FARSB: variants seen among roughly 807,000 people sequenced by gnomAD.
FARSB encodes phenylalanine--tRNA ligase beta subunit.
FARSB carries 40 observed loss-of-function variants against 69.6 expected under a neutral mutation model. That is an observed-to-expected ratio of 0.57 (90% CI 0.45 to 0.75). The LOEUF (loss-of-function observed/expected upper bound fraction) is 0.75, where lower values mean the gene tolerates loss of function less well. Among genes scored for constraint, FARSB ranks in the 30% least tolerant of loss-of-function variants. The probability of loss-of-function intolerance (pLI) is 0.00; values close to 1 mark genes in which losing one functional copy is unlikely to be tolerated. For synonymous variants in FARSB, 235 were observed against 247.2 expected (o/e 0.95, Z 0.46); for missense variants, 632 against 722.9 (o/e 0.87, Z 1.44).
At chr2:222,591,292 G>A (rs192417260) in intron 16 of FARSB, among the ~76,000 whole-genome samples, 1 of 151,752 alleles carries the variant, frequency 6.6e-6, no homozygotes, top group Admixed American at 6.6e-5. Flanking sequence ...TCCTTTTTAA[G>A]TCGGTGTTAA....
At chr2:222,605,964 C>G (rs1275519289) in intron 15 of FARSB, among the ~76,000 whole-genome samples, 1 of 152,096 alleles carries the variant, frequency 6.6e-6, no homozygotes, top group African/African-American at 2.4e-5. Context: ...AAAATTTATA[C>G]TCTATTTCAT....
chr2:222,588,616 G>A (rs1284344600), intron 16 of FARSB, among the ~76,000 whole-genome samples: 4 of 152,126 alleles, frequency 2.6e-5, no homozygotes, highest in East Asian at 3.8e-4. Flanking sequence ...AAACCCCATC[G>A]TCTCAGCCCA....
Position 222,628,845 on chromosome 2 carries a change from T to C in FARSB, c.892A>G (p.Thr298Ala). Residue 298 changes from threonine (T) to alanine (A), a missense_variant, in exon 10 of 17, where the codon ACC (threonine) becomes GCC (alanine). Coordinates refer to ENST00000281828, the MANE Select transcript of FARSB (RefSeq NM_005687.5). ...EVVFPNGKSH[T>A]FPELAYRKEM... ...ATTTCTTAAGCACTTACTGGAAAGGTATGTGATTTTCCATTAGGAAAAACC... is the reference window on the plus strand; with the variant it reads ...ATTTCTTAAGCACTTACTGGAAAGGCATGTGATTTTCCATTAGGAAAAACC... The C allele has an allele frequency of 3.1e-6, 5 of 1,601,886 alleles. No individual in the cohort carries two copies. The highest frequency in any genetic ancestry group is 4.3e-6 in the Non-Finnish European group (5 of 1,169,692).
At chr2:222,640,714 C>A (rs564005772) in intron 4 of FARSB, 148 bp downstream of exon 4, 10 of 544,234 alleles carry the variant, frequency 1.8e-5, no homozygotes, top group East Asian at 3.4e-5. Flanking sequence ...CAAGACTGCA[C>A]CACTGCATTC....
At chr2:222,655,747 G>A (rs1692157914) in intron 1 of FARSB, among the ~76,000 whole-genome samples, 1 of 152,166 alleles carries the variant, frequency 6.6e-6, no homozygotes, top group Non-Finnish European at 1.5e-5. Flanking sequence ...CTTGGATGTC[G>A]GTGCCAGGCA....
intron 15 of FARSB, among the ~76,000 whole-genome samples, chr2:222,611,468 A>G: frequency 6.7e-6 from 1 of 150,372 alleles, no homozygotes; most frequent in African/African-American, 2.5e-5. Flanking sequence ...CGTGGGGGAG[A>G]CAGGGTCTTA....
intron 16 of FARSB, among the ~76,000 whole-genome samples, chr2:222,586,706 A>G (rs1038238681): frequency 1.3e-5 from 2 of 152,210 alleles, no homozygotes; most frequent in African/African-American, 4.8e-5. Flanking sequence ...AGGTTTTGCA[A>G]TCCTAGTCTC....
At chr2:222,635,126 G>T (rs1465004015) in intron 5 of FARSB, among the ~76,000 whole-genome samples, 1 of 152,080 alleles carries the variant, frequency 6.6e-6, no homozygotes, top group Non-Finnish European at 1.5e-5. Flanking sequence ...TATCCACAAA[G>T]GATTTAAGGT....
intron 16 of FARSB, among the ~76,000 whole-genome samples, chr2:222,582,012 G>C (rs1353408389): frequency 6.6e-6 from 1 of 152,172 alleles, no homozygotes; most frequent in East Asian, 1.9e-4. Flanking sequence ...AGGGGTGTTT[G>C]GCAGTGTCTA....
chr2:222,623,817 T>C, intron 12 of FARSB, 87 bp from the exon 13 acceptor site: 1 of 818,852 alleles, frequency 1.2e-6, no homozygotes, highest in Non-Finnish European at 2.0e-6. Context: ...CCATTAAAAC[T>C]TTTTTAAATA....
At chr2:222,653,873 C>T (rs1442713616) in intron 1 of FARSB, among the ~76,000 whole-genome samples, 3 of 152,074 alleles carry the variant, frequency 2.0e-5, no homozygotes, top group Non-Finnish European at 2.9e-5. Context: ...CTGCCCACCT[C>T]GTCCTCCCAA....
chr2:222,615,385 C>G (rs948211887), intron 14 of FARSB, among the ~76,000 whole-genome samples: 1 of 152,162 alleles, frequency 6.6e-6, no homozygotes, highest in African/African-American at 2.4e-5. Context: ...ATGCAACTCC[C>G]CTGGTCAAAA....
At position 222,623,744 on chromosome 2, in the gene FARSB, C is replaced by T. The variant is rs752357502; in HGVS notation, c.1171-14G>A. 14 of 1,537,838 alleles carry T rather than the reference C, an allele frequency of 9.1e-6. No individual in the cohort carries two copies. The highest frequency in any genetic ancestry group is 1.4e-5 in the African/African-American group (1 of 73,056). Reference sequence around the variant, plus strand: ...ATTAAGAGGAAACTGAAAAAAAAAGCATCCACTTGATTTCACCGCAATTAT... The same window carrying T: ...ATTAAGAGGAAACTGAAAAAAAAAGTATCCACTTGATTTCACCGCAATTAT... On this transcript the variant is annotated splice_polypyrimidine_tract_variant and intron_variant, in intron 12 of 16. Coordinates refer to ENST00000281828, the MANE Select transcript of FARSB (RefSeq NM_005687.5).
rs141614708 is a variant in FARSB at position 222,628,887 on chromosome 2, C to T, written c.850G>A (p.Val284Ile). 7 of 1,608,040 alleles carry T rather than the reference C, an allele frequency of 4.4e-6. No individual in the cohort carries two copies. In the African/African-American group the frequency reaches 6.7e-5, roughly 15 times the overall value. The change falls in exon 10 of 17, where the codon GTC (valine) becomes ATC (isoleucine). Residue 284 changes from valine (V) to isoleucine (I), a missense_variant and splice_region_variant. Physicochemically the swap from Val to Ile is conservative, Grantham distance 29. Transcript: ENST00000281828. ...FSEYCENQFT[V>I]EAAEVVFPNG... is the part of the protein sequence containing the mutation. ...GGAAAAACCACTTCAGCAGCTTCGACCCTGAAAACAAAAGCCAGAAATAAA... is the reference window on the plus strand; with the variant it reads ...GGAAAAACCACTTCAGCAGCTTCGATCCTGAAAACAAAAGCCAGAAATAAA...
intron 10 of FARSB, among the ~76,000 whole-genome samples, chr2:222,628,377 A>G (rs190754794): frequency 6.2e-4 from 95 of 152,356 alleles, no homozygotes; most frequent in African/African-American, 2.2e-3. Flanking sequence ...TGATCATTAC[A>G]TATTATATAC....
chr2:222,577,440 G>A (rs1185177395), intron 16 of FARSB, among the ~76,000 whole-genome samples: 9 of 152,138 alleles, frequency 5.9e-5, no homozygotes, highest in Non-Finnish European at 1.3e-4. Flanking sequence ...CAACACACCT[G>A]CAGACACCAT....
Position 222,569,900 on chromosome 2 carries a change from T to G in FARSB, c.*1971A>C, listed in dbSNP as rs1042533066. On this transcript the variant is annotated 3_prime_UTR_variant, in exon 17 of 17. Transcript: ENST00000281828. ...ACACTTGCATAAAAATCTTTGGCCA[T>G]ATGGGTAAACCTAGGAATAGAATGG... Among the ~76,000 whole-genome samples, 4 of 152,100 alleles carry G rather than the reference T, an allele frequency of 2.6e-5. No homozygotes were observed. The highest frequency in any genetic ancestry group is 9.7e-5 in the African/African-American group (4 of 41,430).
rs762160424 is a variant in FARSB, at chr2:222,624,754, T to A, written c.922A>T (p.Met308Leu). The change falls in exon 11 of 17, where the codon ATG becomes TTG. Residue 308 changes from methionine to leucine, a missense_variant. Coordinates refer to ENST00000281828, the MANE Select transcript of FARSB (RefSeq NM_005687.5). ...TTGTTAATTAGGTCAGCTCTCACCA[T>A]CTCCTTTCGGTAAGCTAATTCCTTA... ...TFPELAYRKE[M>L]VRADLINKKV... 1.2e-6 allele frequency: 2 copies of A among 1,603,876 alleles called. No individual in the cohort carries two copies. The highest frequency in any genetic ancestry group is 4.5e-5 in the East Asian group (2 of 44,744).
In FARSB at chr2:222,624,401, A is replaced by C. The variant is rs1184213863; in HGVS notation, c.1041T>G (p.Ile347Met). The C allele has an allele frequency of 2.5e-6, 4 of 1,612,138 alleles. No homozygotes were observed. The South Asian group carries it at 4.4e-5, about 18-fold the overall frequency. ...KSEVIGDGNQIEIEIPPTRAD... is the reference protein window; with the variant it reads ...KSEVIGDGNQMEIEIPPTRAD... ...CTCTGGTTGGAGGGATTTCAATCTCAATCTGATTCCCATCACCTATGACTT... is the reference window on the plus strand; with the variant it reads ...CTCTGGTTGGAGGGATTTCAATCTCCATCTGATTCCCATCACCTATGACTT... Residue 347 changes from isoleucine to methionine, a missense_variant, in exon 12 of 17, where the codon ATT becomes ATG. Coordinates refer to ENST00000281828, the MANE Select transcript of FARSB (RefSeq NM_005687.5).
Sources: gnomAD v4.1 joint callset for allele counts (sites outside exome capture counted in the v4.1 genomes callset) on GRCh38, gnomAD v4.1.1 for gene constraint, MANE v1.5 for transcripts, NCBI Gene and HGNC (gene_info 2026-07-23, HGNC 2026-07-21) for gene names.